Variants in ZNF680 observed in about 807,000 individuals in gnomAD.
The protein encoded by ZNF680 is hypothetical protein FLJ90430.
Under a neutral mutation model 12.1 loss-of-function variants are expected in ZNF680, and 6 were observed. The observed-to-expected ratio is 0.49, with a 90% confidence interval of 0.27 to 0.98. ZNF680 has a LOEUF of 0.98. ZNF680 is among the 50% of genes least tolerant of loss of function. ZNF680 has a pLI of 0.12. For synonymous variants in ZNF680, 170 were observed against 199.3 expected (o/e 0.85, Z 1.24); for missense variants, 561 against 616.3 (o/e 0.91, Z 0.95).
Position 64,544,507 on chromosome 7 carries a change from T to C in ZNF680, c.31-75A>G, listed in dbSNP as rs879195705. 9 of 1,548,588 alleles carry C rather than the reference T, an allele frequency of 5.8e-6. No individual in the cohort carries two copies. The South Asian group carries it at 1.0e-4, about 18-fold the overall frequency. The stretch of plus-strand genomic sequence containing the variant: ...ACTAAATGACCATGGGCAGAATTTT[T>C]ATTTTGGCTCAAGGCAAAGTAAGAC... On this transcript the variant is annotated intron_variant, in intron 1 of 3. Transcript: ENST00000309683.
At chr7:64,531,088 CAAAG>C (rs569860235) in intron 3 of ZNF680, among the ~76,000 whole-genome samples, 18 of 151,872 alleles carry the variant, frequency 1.2e-4, no homozygotes, top group Admixed American at 5.2e-4. Flanking sequence ...AGAAAATTAA[CAAAG>C]AAACAACGGA....
chr7:64,506,193 ATTTTT>A, the ZNF680 span, among the ~76,000 whole-genome samples: 6 of 105,576 alleles, frequency 5.7e-5, no homozygotes, highest in Non-Finnish European at 5.9e-5. Flanking sequence ...AGTCTTTTAG[ATTTTT>A]TTTTTTTTTT....
At chr7:64,528,375 G>C (rs373085817) in intron 3 of ZNF680, among the ~76,000 whole-genome samples, 2 of 152,182 alleles carry the variant, frequency 1.3e-5, no homozygotes, top group Non-Finnish European at 2.9e-5. Flanking sequence ...TCACAGGGCC[G>C]GGGAAGAACT....
the ZNF680 span, among the ~76,000 whole-genome samples, chr7:64,513,653 T>A: frequency 6.6e-6 from 1 of 151,664 alleles, no homozygotes; most frequent in African/African-American, 2.4e-5. Context: ...ATTAAAAATT[T>A]TTTTTTTTTT....
the ZNF680 span, among the ~76,000 whole-genome samples, chr7:64,508,985 T>C: frequency 6.6e-6 from 1 of 152,160 alleles, no homozygotes; most frequent in East Asian, 1.9e-4. Context: ...TCCCCAGTAA[T>C]AGACATTTAT....
the ZNF680 span, among the ~76,000 whole-genome samples, chr7:64,513,487 T>C: frequency 6.6e-6 from 1 of 152,076 alleles, no homozygotes; most frequent in Non-Finnish European, 1.5e-5. Context: ...ACTAATCAAC[T>C]CTTAGCAAAA....
At chr7:64,558,913 T>C (rs1787569426) in intron 1 of ZNF680, among the ~76,000 whole-genome samples, 2 of 151,718 alleles carry the variant, frequency 1.3e-5, no homozygotes, top group Admixed American at 1.3e-4. Flanking sequence ...GGAACTTCAG[T>C]ATTTAAAGAG....
At chr7:64,554,425 C>A (rs559976629) in intron 1 of ZNF680, among the ~76,000 whole-genome samples, 1 of 151,052 alleles carries the variant, frequency 6.6e-6, no homozygotes, top group Non-Finnish European at 1.5e-5. Flanking sequence ...GGGCAGCCCC[C>A]ACCCGGCCGC....
the ZNF680 span, among the ~76,000 whole-genome samples, chr7:64,508,730 A>C: frequency 1.3e-5 from 2 of 152,100 alleles, no homozygotes; most frequent in African/African-American, 2.4e-5. Flanking sequence ...AGTGTTATCT[A>C]AAGGCCTTTG....
At chr7:64,501,053 G>C in the ZNF680 span, 7 of 765,774 alleles carry the variant, frequency 9.1e-6, no homozygotes, top group Non-Finnish European at 1.6e-5. Flanking sequence ...ATAATTGCTG[G>C]CCAGGTTTTA....
chr7:64,552,360 G>A (rs1787127369), intron 1 of ZNF680, among the ~76,000 whole-genome samples: 1 of 152,124 alleles, frequency 6.6e-6, no homozygotes, highest in Non-Finnish European at 1.5e-5. Flanking sequence ...GTCACCACCA[G>A]CACTTTTTGA....
chr7:64,546,131 G>T (rs538603030), intron 1 of ZNF680, among the ~76,000 whole-genome samples: 100 of 152,220 alleles, frequency 6.6e-4, no homozygotes, highest in Non-Finnish European at 1.1e-3. Flanking sequence ...GAGAAGTAAA[G>T]GTTTGCAAGT....
At chr7:64,514,137 T>C in the ZNF680 span, among the ~76,000 whole-genome samples, 7 of 152,190 alleles carry the variant, frequency 4.6e-5, no homozygotes, top group African/African-American at 7.2e-5. Flanking sequence ...TCTTTTCTAA[T>C]GTCTAGCTCT....
intron 3 of ZNF680, chr7:64,526,480 C>G (rs760975189): frequency 1.7e-6 from 2 of 1,195,526 alleles, no homozygotes; most frequent in South Asian, 1.4e-5. Context: ...AACTTGAGAC[C>G]AGGAGTTCAA....
intron 1 of ZNF680, among the ~76,000 whole-genome samples, chr7:64,547,420 T>C (rs997763719): frequency 3.3e-5 from 5 of 152,214 alleles, no homozygotes; most frequent in Admixed American, 6.5e-5. Flanking sequence ...TTTGAATGAG[T>C]CTGCATTTGG....
intron 1 of ZNF680, among the ~76,000 whole-genome samples, chr7:64,559,770 C>T (rs1038778073): frequency 2.6e-5 from 4 of 152,192 alleles, no homozygotes; most frequent in Admixed American, 6.5e-5. Context: ...GCTTGAGCCA[C>T]TGTGCCTGGC....
At chr7:64,532,524 T>C (rs1174703140) in intron 3 of ZNF680, among the ~76,000 whole-genome samples, 1 of 149,794 alleles carries the variant, frequency 6.7e-6, no homozygotes, top group Admixed American at 6.7e-5. Flanking sequence ...GCTTTTAAAA[T>C]GGTAATTTTA....
At position 64,540,644 on chromosome 7, in the gene ZNF680, C is replaced by T. The variant is rs1233839548; in HGVS notation, c.253+3063G>A. 3.3e-5 allele frequency among the ~76,000 whole-genome samples: 5 copies of T among 152,040 alleles called. No individual in the cohort carries two copies. In the East Asian group the frequency reaches 9.6e-4, roughly 29 times the overall value. On this transcript the variant is annotated intron_variant, in intron 3 of 3. Transcript: ENST00000309683. ...AAACCCCATGTTGACTTAAAGTTTA[C>T]AAACAGAATTGCAAAATGTCTAAAT...
At chr7:64,545,782 C>A (rs888976369) in intron 1 of ZNF680, among the ~76,000 whole-genome samples, 60 of 152,112 alleles carry the variant, frequency 3.9e-4, no homozygotes, top group African/African-American at 1.4e-3. Flanking sequence ...TTTAAATAAG[C>A]ATTTTCTTGA....
Sources: allele counts gnomAD v4.1 joint callset (sites outside exome capture counted in the v4.1 genomes callset), GRCh38; gene constraint gnomAD v4.1.1; transcripts MANE v1.5; gene names NCBI Gene and HGNC (gene_info 2026-07-23, HGNC 2026-07-21).